The following CEP112 variants were observed in gnomAD, a reference collection of about 807,000 sequenced individuals.
CEP112 encodes centrosomal protein of 112 kDa.
In CEP112, 127 loss-of-function variants were observed where a neutral mutation model predicts 153.0. The ratio of observed to expected loss-of-function variants is 0.83; its 90% confidence interval spans 0.72 to 0.96. The LOEUF (loss-of-function observed/expected upper bound fraction) is 0.96, where lower values mean the gene tolerates loss of function less well. Among genes scored for constraint, CEP112 ranks in the 40% least tolerant of loss-of-function variants. The probability of loss-of-function intolerance (pLI) is 0.00; values close to 1 mark genes in which losing one functional copy is unlikely to be tolerated. For missense variants in CEP112, 1,089 were observed against 1,101.2 expected (o/e 0.99, Z 0.16); for synonymous variants, 358 against 374.4 (o/e 0.96, Z 0.51).
chr17:65,747,299 T>TG (rs60586682), intron 22 of CEP112, among the ~76,000 whole-genome samples: 17,898 of 152,178 alleles, frequency 0.12, 1,861 homozygotes, highest in African/African-American at 0.28. Context: ...CCCAGGAGGC[T>TG]GGCATAGAGA....
chr17:66,024,565 T>C (rs2065123140), intron 16 of CEP112, among the ~76,000 whole-genome samples: 2 of 124,448 alleles, frequency 1.6e-5, no homozygotes, highest in Non-Finnish European at 1.7e-5. Flanking sequence ...CCATTTACAA[T>C]AGTTATAAAA....
intron 18 of CEP112, among the ~76,000 whole-genome samples, chr17:65,937,856 G>A (rs1323960049): frequency 1.1e-4 from 12 of 109,172 alleles, no homozygotes; most frequent in African/African-American, 2.2e-4. Context: ...GCCTCTGCCC[G>A]GCCGCCCCTA....
At chr17:65,654,954 C>G in intron 24 of CEP112, 1 of 662,772 alleles carries the variant, frequency 1.5e-6, no homozygotes, top group South Asian at 1.4e-5. Flanking sequence ...CAAATTATTG[C>G]GGAAGCCGGG....
At chr17:66,138,160 C>T (rs117633839) in intron 4 of CEP112, among the ~76,000 whole-genome samples, 5,182 of 152,172 alleles carry the variant, frequency 0.034, 131 homozygotes, top group Middle Eastern at 0.061. Context: ...TCCATCTCCT[C>T]GCCCAACTAA....
intron 17 of CEP112, among the ~76,000 whole-genome samples, chr17:65,979,021 T>C (rs1698311328): frequency 6.6e-6 from 1 of 152,180 alleles, no homozygotes; most frequent in African/African-American, 2.4e-5. Flanking sequence ...ATTGTGCTTC[T>C]TGGAGGGTTA....
At chr17:65,896,255 T>A (rs1165657447) in intron 20 of CEP112, among the ~76,000 whole-genome samples, 2 of 152,086 alleles carry the variant, frequency 1.3e-5, no homozygotes, top group African/African-American at 4.8e-5. Context: ...CTTAGAGCAA[T>A]CATTTTTCTT....
intron 23 of CEP112, among the ~76,000 whole-genome samples, chr17:65,717,800 T>C (rs1224953530): frequency 6.6e-6 from 1 of 152,068 alleles, no homozygotes; most frequent in Non-Finnish European, 1.5e-5. Context: ...TGGCTGAAGG[T>C]GAAAATGTTT....
At chr17:66,040,494 CTT>C (rs71160522) in intron 12 of CEP112, among the ~76,000 whole-genome samples, 2 of 133,480 alleles carry the variant, frequency 1.5e-5, no homozygotes, top group Non-Finnish European at 1.5e-5. Flanking sequence ...CCCTTTTTTT[CTT>C]TTTTTTTTTT....
intron 20 of CEP112, among the ~76,000 whole-genome samples, chr17:65,886,453 C>T (rs1598889038): frequency 6.6e-6 from 1 of 152,134 alleles, no homozygotes. Context: ...ATTATAACGG[C>T]ATAGCAGGCA....
chr17:65,873,948 A>G (rs2058743131), intron 20 of CEP112, among the ~76,000 whole-genome samples: 1 of 152,234 alleles, frequency 6.6e-6, no homozygotes, highest in African/African-American at 2.4e-5. Context: ...TTGAGTGTAT[A>G]TAATAAAGTA....
intron 6 of CEP112, among the ~76,000 whole-genome samples, chr17:66,112,556 G>A (rs890457593): frequency 1.3e-5 from 2 of 152,142 alleles, no homozygotes; most frequent in Non-Finnish European, 2.9e-5. Context: ...GTGGGTACAT[G>A]AATTGGTACT....
At chr17:65,916,285 G>GTGTGTGTATGTGTGTA (rs2060481145) in intron 19 of CEP112, among the ~76,000 whole-genome samples, 2 of 148,426 alleles carry the variant, frequency 1.3e-5, no homozygotes, top group Middle Eastern at 3.4e-3. Flanking sequence ...GTGTGTGTGT[G>GTGTGTGTATGTGTGTA]TGTGTGTATG....
intron 21 of CEP112, among the ~76,000 whole-genome samples, chr17:65,828,932 T>G (rs1029417348): frequency 3.3e-5 from 5 of 151,968 alleles, no homozygotes; most frequent in Non-Finnish European, 7.4e-5. Context: ...AATAGATTAC[T>G]AGGTCAAAAG....
rs1165169464 is a variant in CEP112 at position 65,750,720 on chromosome 17, T to A, written c.2399A>T (p.Asn800Ile). The A allele has an allele frequency of 1.2e-6, 2 of 1,613,908 alleles. No homozygotes were observed. Among genetic ancestry groups the A allele is most frequent in the Admixed American group, 3.3e-5 (2 of 59,984 alleles). ...CTTCTCAATCTGCTTCAGCTTGCTG[T>A]TGGCCTGAAAAACACATGTACATGA... is the stretch of plus-strand genomic sequence containing the variant. ...AETEMTLEKA[N>I]SKLKQIEKEY... The change falls in exon 22 of 27, where the codon AAC (asparagine) becomes ATC (isoleucine). Residue 800 changes from asparagine to isoleucine, a missense_variant. Transcript: ENST00000535342.
intron 18 of CEP112, among the ~76,000 whole-genome samples, chr17:65,955,628 C>A (rs1320603065): frequency 6.6e-6 from 1 of 152,108 alleles, no homozygotes; most frequent in East Asian, 1.9e-4. Context: ...TAAGGACTCA[C>A]ATAAACTTAC....
chr17:65,749,487 A>G (rs2051686069), intron 22 of CEP112, among the ~76,000 whole-genome samples: 1 of 152,072 alleles, frequency 6.6e-6, no homozygotes, highest in African/African-American at 2.4e-5. Context: ...CAGCCTGGGC[A>G]ACAGAGCGAG....
chr17:65,640,154 A>ATATATT lies in CEP112; in HGVS notation c.2799+809_2799+810insAATATA, dbSNP rs1300751452. On this transcript the variant is annotated intron_variant, in intron 25 of 26. Transcript: ENST00000535342. ...CACCCGACCATATATATATATATAT[A>ATATATT]TTTTTTTTTTTTTTTTTTTGAGACA... Among the ~76,000 whole-genome samples the ATATATT allele has an allele frequency of 5.2e-3, 404 of 78,322 alleles. 12 individuals are homozygous for ATATATT. Among genetic ancestry groups the ATATATT allele is most frequent in the African/African-American group, 0.024 (339 of 14,208 alleles). 51.4% of individuals were successfully genotyped at this position (78,322 alleles called of 152,430 possible).
chr17:65,902,163 G>A lies in CEP112; in HGVS notation c.2152C>T (p.Arg718Ter), dbSNP rs759312321. ...HENQIQEFKK[R>*]DAQVIADMEA... Reference sequence around the variant, plus strand: ...TTATTGATAATTACCTGTGCATCTCGTTTCTTGAACTCCTGAATTTGATTT... The same window carrying A: ...TTATTGATAATTACCTGTGCATCTCATTTCTTGAACTCCTGAATTTGATTT... The change falls in exon 20 of 27, where the codon CGA (arginine) becomes TGA (stop). Residue 718 changes from arginine to a stop codon, truncating the protein, a stop_gained. Transcript: ENST00000535342. LOFTEE classifies it high-confidence loss of function. 26 of 1,612,484 alleles carry A rather than the reference G, an allele frequency of 1.6e-5. No homozygotes were observed. The highest frequency in any genetic ancestry group is 8.4e-5 in the Admixed American group (5 of 59,840).
In CEP112 at chr17:66,008,921, A is replaced by T. The variant is rs79027143; in HGVS notation, c.1657-3152T>A. On this transcript the variant is annotated intron_variant, in intron 16 of 26. Transcript: ENST00000535342. ...ATAGATGAACACTTAGGTCAATCCC[A>T]TTCATCCACAGATAAATACATAGCT... is the stretch of plus-strand genomic sequence containing the variant. Among the ~76,000 whole-genome samples the T allele has an allele frequency of 3.8e-3, 582 of 152,276 alleles. 1 individual carries two copies. Among genetic ancestry groups the T allele is most frequent in the African/African-American group, 0.014 (566 of 41,564 alleles).
Sources: allele counts gnomAD v4.1 joint callset (sites outside exome capture counted in the v4.1 genomes callset), GRCh38; gene constraint gnomAD v4.1.1; transcripts MANE v1.5; gene names NCBI Gene and HGNC (gene_info 2026-07-23, HGNC 2026-07-21).